The following DENND5B variants were observed in gnomAD, a reference collection of about 807,000 sequenced individuals.
DENND5B encodes DENN domain-containing protein 5B.
A neutral mutation model predicts 140.6 loss-of-function variants in DENND5B; 34 were observed. The ratio of observed to expected loss-of-function variants is 0.24; its 90% CI spans 0.18 to 0.32. DENND5B has a LOEUF of 0.32. Among genes scored for constraint, DENND5B ranks in the 10% least tolerant of loss-of-function variants. The probability of loss-of-function intolerance (pLI) is 1.00; values close to 1 mark genes in which losing one functional copy is unlikely to be tolerated. For missense variants in DENND5B, 1,142 were observed against 1,560.2 expected (o/e 0.73, Z 4.52); for synonymous variants, 551 against 562.1 (o/e 0.98, Z 0.28).
At chr12:31,433,100 T>G (rs1485006271) in intron 8 of DENND5B, 55 bp downstream of exon 8, 4 of 1,413,252 alleles carry the variant, frequency 2.8e-6, no homozygotes, top group Non-Finnish European at 4.0e-6. Flanking sequence ...CTGGAAGGAA[T>G]AAGCCTAGTT....
At chr12:31,387,920 G>T in intron 20 of DENND5B, 134 bp from the exon 21 acceptor site, 1 of 871,230 alleles carries the variant, frequency 1.1e-6, no homozygotes, top group Non-Finnish European at 1.7e-6. Context: ...GAGGTCAGGA[G>T]AGAGGAAATC....
intron 12 of DENND5B, among the ~76,000 whole-genome samples, chr12:31,414,602 T>C (rs1345689867): frequency 6.6e-6 from 1 of 151,880 alleles, no homozygotes; most frequent in African/African-American, 2.4e-5. Flanking sequence ...GGAGAATCAC[T>C]TGAGCCCAGG....
At chr12:31,536,104 C>T (rs1242135261) in intron 1 of DENND5B, among the ~76,000 whole-genome samples, 4 of 152,158 alleles carry the variant, frequency 2.6e-5, no homozygotes, top group African/African-American at 9.7e-5. Context: ...TTGACTTCCA[C>T]CATGATTCTA....
intron 7 of DENND5B, among the ~76,000 whole-genome samples, chr12:31,434,675 A>G (rs1943662892): frequency 6.6e-6 from 1 of 152,202 alleles, no homozygotes; most frequent in Admixed American, 6.5e-5. Context: ...ATCTTCATTC[A>G]GTGAAGAATT....
intron 1 of DENND5B, among the ~76,000 whole-genome samples, chr12:31,533,059 A>T (rs1948343469): frequency 6.6e-6 from 1 of 152,174 alleles, no homozygotes; most frequent in Non-Finnish European, 1.5e-5. Context: ...GAGCTTGCAC[A>T]AGTCATTGGA....
intron 7 of DENND5B, among the ~76,000 whole-genome samples, chr12:31,437,663 C>T (rs116850159): frequency 3.9e-5 from 6 of 152,042 alleles, no homozygotes; most frequent in Admixed American, 6.5e-5. Flanking sequence ...AATTGCAGAT[C>T]GTACAACCAA....
At position 31,415,349 on chromosome 12, in the gene DENND5B, T is replaced by G. The variant is rs1395962877; in HGVS notation, c.2552+18A>C. 6.3e-7 allele frequency: 1 copy of G among 1,581,754 alleles called. No individual in the cohort carries two copies. The highest frequency in any genetic ancestry group is 2.3e-5 in the East Asian group (1 of 44,322). On this transcript the variant is annotated intron_variant, in intron 12 of 20. Transcript: ENST00000389082. ...AAAGTTATCACCACATGCTAACACA[T>G]GTATTAATAACAAATACCTCATGTC...
intron 1 of DENND5B, among the ~76,000 whole-genome samples, chr12:31,524,143 A>G (rs1409262436): frequency 6.6e-6 from 1 of 152,002 alleles, no homozygotes; most frequent in Non-Finnish European, 1.5e-5. Flanking sequence ...AAAGAGCTGA[A>G]AAGACAGTAG....
intron 2 of DENND5B, among the ~76,000 whole-genome samples, chr12:31,481,115 A>G (rs184779330): frequency 1.3e-3 from 205 of 152,322 alleles, no homozygotes; most frequent in Admixed American, 4.1e-3. Flanking sequence ...CCTAATACTC[A>G]TTATTCATAT....
At chr12:31,567,932 TCAAGC>T (rs1344211053) in intron 1 of DENND5B, among the ~76,000 whole-genome samples, 4 of 152,304 alleles carry the variant, frequency 2.6e-5, no homozygotes, top group Admixed American at 2.6e-4. Context: ...ACTCCTGGGC[TCAAGC>T]CAAGCCATCC....
intron 19 of DENND5B, among the ~76,000 whole-genome samples, chr12:31,390,938 C>T (rs948180161): frequency 5.9e-5 from 9 of 152,108 alleles, no homozygotes; most frequent in Non-Finnish European, 1.0e-4. Flanking sequence ...ACCGCTTGAA[C>T]CCAGGAGGCA....
At chr12:31,405,603 A>C (rs1390399010) in intron 14 of DENND5B, among the ~76,000 whole-genome samples, 1 of 152,252 alleles carries the variant, frequency 6.6e-6, no homozygotes, top group Non-Finnish European at 1.5e-5. Context: ...GCTGGAGTGC[A>C]GTGGTGCAAT....
intron 1 of DENND5B, among the ~76,000 whole-genome samples, chr12:31,511,083 T>A (rs117298599): frequency 0.037 from 5,638 of 151,974 alleles, 139 homozygotes; most frequent in South Asian, 0.067. Context: ...AAATTTTTTT[T>A]AAAAAATTAG....
Position 31,424,562 on chromosome 12 carries a change from T to C in DENND5B, c.2364A>G (p.Ile788Met), listed in dbSNP as rs539737071. The change falls in exon 10 of 21, where the codon ATA (isoleucine) becomes ATG (methionine). Residue 788 changes from isoleucine (I) to methionine (M), a missense_variant. By Grantham distance (10) the Ile-to-Met change is conservative (BLOSUM62 1). This residue lies in a region of DENND5B where 33 missense variants were observed against 90.8 expected (regional missense o/e 0.36). Coordinates refer to ENST00000389082, the MANE Select transcript of DENND5B (RefSeq NM_144973.4). ...IASLCDLLER[I>M]WSHGLQVKQG... ...GCTTGACCTGCAAGCCATGGCTCCA[T>C]ATCCTCTCCAGCAGGTCACAAAGGC... The C allele has an allele frequency of 6.2e-7, 1 of 1,613,896 alleles. No homozygotes were observed. The highest frequency in any genetic ancestry group is 1.3e-5 in the African/African-American group (1 of 75,008).
At chr12:31,484,334 G>A (rs1451692730) in intron 2 of DENND5B, among the ~76,000 whole-genome samples, 3 of 152,086 alleles carry the variant, frequency 2.0e-5, no homozygotes, top group Admixed American at 2.0e-4. Context: ...GCCATCAGAA[G>A]TTGACAATGA....
intron 1 of DENND5B, among the ~76,000 whole-genome samples, chr12:31,512,137 G>A (rs367875561): frequency 1.1e-4 from 17 of 151,570 alleles, no homozygotes; most frequent in African/African-American, 4.1e-4. Context: ...GGCTGGTCTC[G>A]AACTCCTGAT....
chr12:31,466,031 G>A (rs1460423257), intron 3 of DENND5B, among the ~76,000 whole-genome samples: 1 of 152,214 alleles, frequency 6.6e-6, no homozygotes, highest in East Asian at 1.9e-4. Context: ...CAGATGTGGA[G>A]AAATTACCCA....
chr12:31,481,222 G>T (rs1946056964), intron 2 of DENND5B, among the ~76,000 whole-genome samples: 2 of 151,934 alleles, frequency 1.3e-5, no homozygotes, highest in African/African-American at 2.4e-5. Flanking sequence ...AACTGATGTG[G>T]TACAAAATTT....
intron 1 of DENND5B, among the ~76,000 whole-genome samples, chr12:31,568,617 T>G (rs1366139454): frequency 6.6e-6 from 1 of 152,208 alleles, no homozygotes; most frequent in Non-Finnish European, 1.5e-5. Context: ...ATACAAACTC[T>G]TAACTTCTGC....
Sources: allele counts gnomAD v4.1 joint callset (sites outside exome capture counted in the v4.1 genomes callset), GRCh38; gene constraint gnomAD v4.1.1; regional missense constraint gnomAD v4.1.1; transcripts MANE v1.5; gene names NCBI Gene and HGNC (gene_info 2026-07-23, HGNC 2026-07-21).